The following ARB2A variants were observed in gnomAD, a reference collection of about 807,000 sequenced individuals.
ARB2A encodes ARB2 cotranscriptional regulator A.
At chr5:93,640,388 G>A in the ARB2A span, among the ~76,000 whole-genome samples, 42 of 151,146 alleles carry the variant, frequency 2.8e-4, no homozygotes, top group South Asian at 1.0e-3. Flanking sequence ...GGCAGAGGTC[G>A]CAGTGAGCCG....
At chr5:93,859,623 A>AT in the ARB2A span, among the ~76,000 whole-genome samples, 12 of 152,188 alleles carry the variant, frequency 7.9e-5, no homozygotes, top group Admixed American at 4.6e-4. Flanking sequence ...GTAAAAAAAG[A>AT]TTTTTTCAAA....
chr5:94,050,607 A>C, the ARB2A span: 7 of 744,826 alleles, frequency 9.4e-6, no homozygotes, highest in Non-Finnish European at 1.5e-5. Flanking sequence ...CAAAAAAAAA[A>C]AACAAAAACC....
At chr5:93,925,165 A>C in the ARB2A span, among the ~76,000 whole-genome samples, 1 of 152,182 alleles carries the variant, frequency 6.6e-6, no homozygotes, top group Non-Finnish European at 1.5e-5. Context: ...TTAATTTTGT[A>C]TCTATTGGTT....
chr5:93,745,906 G>A, the ARB2A span, among the ~76,000 whole-genome samples: 1 of 152,112 alleles, frequency 6.6e-6, no homozygotes, highest in African/African-American at 2.4e-5. Context: ...TAGTTAAGGA[G>A]CAAGACAAAA....
At chr5:93,854,895 G>C in the ARB2A span, among the ~76,000 whole-genome samples, 1 of 152,116 alleles carries the variant, frequency 6.6e-6, no homozygotes, top group Non-Finnish European at 1.5e-5. Context: ...GTCAATTTTG[G>C]AATAGGCATG....
At chr5:94,020,900 T>A in the ARB2A span, among the ~76,000 whole-genome samples, 2 of 152,152 alleles carry the variant, frequency 1.3e-5, no homozygotes, top group South Asian at 4.1e-4. Flanking sequence ...ACAAGGAAAT[T>A]TCCAGATGTA....
At chr5:93,838,544 G>T in the ARB2A span, among the ~76,000 whole-genome samples, 2 of 146,406 alleles carry the variant, frequency 1.4e-5, no homozygotes, top group Non-Finnish European at 3.0e-5. Flanking sequence ...GCAAGACTCT[G>T]TATCAAAAAA....
chr5:93,934,671 T>G, the ARB2A span, among the ~76,000 whole-genome samples: 2 of 152,190 alleles, frequency 1.3e-5, no homozygotes, highest in African/African-American at 4.8e-5. Context: ...ACAGCCCCTC[T>G]TTTAATATTG....
At chr5:94,103,435 T>C in the ARB2A span, among the ~76,000 whole-genome samples, 1 of 152,106 alleles carries the variant, frequency 6.6e-6, no homozygotes, top group East Asian at 1.9e-4. Context: ...CATTAAATAA[T>C]GATAAAGGGT....
chr5:93,937,004 G>A, the ARB2A span, among the ~76,000 whole-genome samples: 3 of 147,650 alleles, frequency 2.0e-5, no homozygotes, highest in South Asian at 2.2e-4. Flanking sequence ...GCAGTGGCGC[G>A]ATCTTGGCTC....
At chr5:93,989,228 A>G in the ARB2A span, among the ~76,000 whole-genome samples, 7 of 152,178 alleles carry the variant, frequency 4.6e-5, no homozygotes, top group Non-Finnish European at 1.0e-4. Flanking sequence ...TAAACCAATT[A>G]TATTGGAATA....
At chr5:93,825,302 CAAACAAGAT>C in the ARB2A span, among the ~76,000 whole-genome samples, 24 of 48,544 alleles carry the variant, frequency 4.9e-4, no homozygotes, top group South Asian at 3.3e-3. Flanking sequence ...AATTAGGGCA[CAAACAAGAT>C]AATTTTTTTT....
chr5:93,819,757 A>C, the ARB2A span, among the ~76,000 whole-genome samples: 1 of 152,238 alleles, frequency 6.6e-6, no homozygotes, highest in Non-Finnish European at 1.5e-5. Flanking sequence ...CAATTTAAAA[A>C]AATCTGCTGA....
At chr5:94,089,790 T>C in the ARB2A span, among the ~76,000 whole-genome samples, 13,882 of 152,174 alleles carry the variant, frequency 0.091, 788 homozygotes, top group Middle Eastern at 0.16. Context: ...AAGGAGCTCT[T>C]TCACAATTCT....
At chr5:93,811,235 T>A in the ARB2A span, among the ~76,000 whole-genome samples, 1 of 152,148 alleles carries the variant, frequency 6.6e-6, no homozygotes, top group Non-Finnish European at 1.5e-5. Context: ...ACGAAACTCA[T>A]CTACTTTCCA....
chr5:93,940,944 T>A, the ARB2A span, among the ~76,000 whole-genome samples: 4 of 152,220 alleles, frequency 2.6e-5, no homozygotes, highest in South Asian at 8.3e-4. Context: ...AAAGAGTTTT[T>A]AAAATAATGT....
At chr5:93,682,211 T>G in the ARB2A span, among the ~76,000 whole-genome samples, 1 of 151,334 alleles carries the variant, frequency 6.6e-6, no homozygotes, top group Non-Finnish European at 1.5e-5. Context: ...ACTAAATAGT[T>G]TGTCCCTTAA....
the ARB2A span, among the ~76,000 whole-genome samples, chr5:94,013,497 C>T: frequency 6.6e-6 from 1 of 151,888 alleles, no homozygotes; most frequent in Non-Finnish European, 1.5e-5. Context: ...TCTTTATCTG[C>T]CATCCTGTAA....
the ARB2A span, among the ~76,000 whole-genome samples, chr5:93,661,410 G>A: frequency 6.6e-6 from 1 of 152,168 alleles, no homozygotes. Context: ...TTTTAGTGAA[G>A]CTACATTGCT....
Sources: gnomAD v4.1 joint callset for allele counts (sites outside exome capture counted in the v4.1 genomes callset) on GRCh38, gnomAD v4.1.1 for gene constraint, MANE v1.5 for transcripts, NCBI Gene and HGNC (gene_info 2026-07-23, HGNC 2026-07-21) for gene names.